IGBP1C: variants seen among roughly 807,000 people sequenced by gnomAD.
IGBP1C encodes the protein IGBP1 family member C.
At chr17:58,674,761 G>A in the IGBP1C span, among the ~76,000 whole-genome samples, 1 of 143,824 alleles carries the variant, frequency 7.0e-6, no homozygotes, top group Non-Finnish European at 1.5e-5. Flanking sequence ...GACATCAAAA[G>A]CACAAGTATA....
chr17:58,667,915 C>A, the IGBP1C span, among the ~76,000 whole-genome samples: 11 of 148,830 alleles, frequency 7.4e-5, no homozygotes, highest in East Asian at 2.0e-4. Context: ...AAAAAAGATT[C>A]TTTTCTTGTT....
chr17:58,673,774 T>A, the IGBP1C span, among the ~76,000 whole-genome samples: 1 of 152,072 alleles, frequency 6.6e-6, no homozygotes, highest in East Asian at 1.9e-4. Flanking sequence ...GGTTAAGCCA[T>A]GTTGCCCAGC....
the IGBP1C span, among the ~76,000 whole-genome samples, chr17:58,685,350 C>T: frequency 1.3e-5 from 2 of 151,274 alleles, no homozygotes; most frequent in South Asian, 2.1e-4. Context: ...GCAGGACAAT[C>T]GCTTGAACGT....
At chr17:58,678,484 A>C in the IGBP1C span, among the ~76,000 whole-genome samples, 19 of 152,132 alleles carry the variant, frequency 1.2e-4, no homozygotes, top group Non-Finnish European at 4.4e-5. Context: ...ACCACGGAAC[A>C]CTATGCAGCC....
chr17:58,688,920 T>G, the IGBP1C span, among the ~76,000 whole-genome samples: 297 of 152,232 alleles, frequency 2.0e-3, 8 homozygotes, highest in South Asian at 0.056. Flanking sequence ...CCACATTTTG[T>G]TTTTATTTCT....
the IGBP1C span, among the ~76,000 whole-genome samples, chr17:58,669,438 G>GT: frequency 1.3e-5 from 2 of 151,956 alleles, no homozygotes; most frequent in Admixed American, 6.6e-5. Flanking sequence ...GCTAAAGAAT[G>GT]TAACAAGCCA....
chr17:58,686,201 G>T, the IGBP1C span, among the ~76,000 whole-genome samples: 14 of 152,092 alleles, frequency 9.2e-5, no homozygotes. Flanking sequence ...GCTAGGCACG[G>T]TGGCATGTGC....
At chr17:58,663,620 C>A in the IGBP1C span, among the ~76,000 whole-genome samples, 41 of 151,910 alleles carry the variant, frequency 2.7e-4, no homozygotes, top group African/African-American at 9.9e-4. Flanking sequence ...GGATGCACCA[C>A]CACGCCTGGC....
chr17:58,680,055 A>AGTGGC, the IGBP1C span, among the ~76,000 whole-genome samples: 1 of 151,788 alleles, frequency 6.6e-6, no homozygotes, highest in South Asian at 2.1e-4. Context: ...GTTTGGCACT[A>AGTGGC]ATGATGCCAC....
the IGBP1C span, among the ~76,000 whole-genome samples, chr17:58,662,057 A>AC: frequency 6.6e-6 from 1 of 151,724 alleles, no homozygotes; most frequent in Non-Finnish European, 1.5e-5. Flanking sequence ...TTGGTAACAA[A>AC]CCGAGTGTTC....
chr17:58,670,771 T>TCAAAAAAAAAA, the IGBP1C span, among the ~76,000 whole-genome samples: 2 of 7,954 alleles, frequency 2.5e-4, 1 homozygote. Flanking sequence ...AGACTCCCTC[T>TCAAAAAAAAAA]TAAAAAAAAA....
the IGBP1C span, among the ~76,000 whole-genome samples, chr17:58,663,536 G>T: frequency 6.6e-6 from 1 of 150,694 alleles, no homozygotes; most frequent in East Asian, 1.9e-4. Flanking sequence ...ACATGATCTT[G>T]GCTCACGGCA....
the IGBP1C span, among the ~76,000 whole-genome samples, chr17:58,674,614 G>A: frequency 6.6e-6 from 1 of 151,986 alleles, no homozygotes; most frequent in Non-Finnish European, 1.5e-5. Context: ...AGGTTGCAGT[G>A]AGCCGAGATC....
chr17:58,675,181 C>T, the IGBP1C span: 2 of 151,738 alleles, frequency 1.3e-5, no homozygotes, highest in Admixed American at 1.3e-4. Flanking sequence ...AATAAGCACA[C>T]GAAAATATGT....
chr17:58,682,777 T>A, the IGBP1C span, among the ~76,000 whole-genome samples: 3 of 152,100 alleles, frequency 2.0e-5, no homozygotes, highest in Admixed American at 1.3e-4. Context: ...AAAATATCTG[T>A]TCAAGGGAGT....
chr17:58,681,069 G>C, the IGBP1C span, among the ~76,000 whole-genome samples: 1 of 152,034 alleles, frequency 6.6e-6, no homozygotes, highest in Non-Finnish European at 1.5e-5. Context: ...ATCACCTGAG[G>C]TCAGGAGTTC....
chr17:58,687,814 G>A, the IGBP1C span, among the ~76,000 whole-genome samples: 1 of 152,096 alleles, frequency 6.6e-6, no homozygotes, highest in South Asian at 2.1e-4. Flanking sequence ...ACAGCAATAG[G>A]TCCTTCCTAC....
At chr17:58,672,603 T>C in the IGBP1C span, among the ~76,000 whole-genome samples, 1 of 152,046 alleles carries the variant, frequency 6.6e-6, no homozygotes, top group African/African-American at 2.4e-5. Context: ...CCAGCTAATG[T>C]TTTTTTATTT....
At chr17:58,683,305 G>A in the IGBP1C span, among the ~76,000 whole-genome samples, 24 of 150,974 alleles carry the variant, frequency 1.6e-4, no homozygotes, top group African/African-American at 3.7e-4. Flanking sequence ...CCTGGGAGGC[G>A]GAGGTTGCAG....
Sources: gnomAD v4.1 joint callset for allele counts (sites outside exome capture counted in the v4.1 genomes callset) on GRCh38, gnomAD v4.1.1 for gene constraint, MANE v1.5 for transcripts, NCBI Gene and HGNC (gene_info 2026-07-23, HGNC 2026-07-21) for gene names.